The following REEP3 variants were observed in gnomAD, a reference collection of about 807,000 sequenced individuals.
REEP3 encodes the protein receptor expression-enhancing protein 3.
In REEP3, 20 loss-of-function variants were observed where a neutral mutation model predicts 41.3. That is an observed-to-expected ratio of 0.48 (90% confidence interval 0.34 to 0.70). The LOEUF is 0.70. REEP3 is among the 30% of genes least tolerant of loss of function. REEP3 has a pLI of 0.01. For missense variants in REEP3, 271 were observed against 308.8 expected, an observed-to-expected ratio of 0.88 and a Z score of 0.92; for synonymous variants, 104 against 101.8, an observed-to-expected ratio of 1.02 and a Z score of -0.13.
chr10:63,584,894 T>C (rs1955990654), intron 2 of REEP3, among the ~76,000 whole-genome samples: 1 of 152,202 alleles, frequency 6.6e-6, no homozygotes, highest in South Asian at 2.1e-4. Flanking sequence ...AGAGATTTTT[T>C]TTTTCCAGTG....
At chr10:63,571,114 C>T (rs566295354) in intron 2 of REEP3, among the ~76,000 whole-genome samples, 8 of 152,184 alleles carry the variant, frequency 5.3e-5, no homozygotes, top group South Asian at 4.1e-4. Flanking sequence ...GTGAGACCAT[C>T]GGGTGGGGTA....
intron 1 of REEP3, among the ~76,000 whole-genome samples, chr10:63,560,195 C>A (rs1955727467): frequency 6.6e-6 from 1 of 151,996 alleles, no homozygotes; most frequent in African/African-American, 2.4e-5. Context: ...TCTATTTCTA[C>A]ATATTTTTGT....
At chr10:63,553,834 C>T (rs775958750) in intron 1 of REEP3, among the ~76,000 whole-genome samples, 1 of 152,106 alleles carries the variant, frequency 6.6e-6, no homozygotes, top group Non-Finnish European at 1.5e-5. Context: ...GGCGGTGGCT[C>T]ACGCCTATTT....
Position 63,549,516 on chromosome 10 carries a change from G to A in REEP3, c.33-16822G>A, listed in dbSNP as rs554980576. On this transcript the variant is annotated intron_variant, in intron 1 of 7. Coordinates refer to ENST00000373758, the MANE Select transcript of REEP3 (RefSeq NM_001001330.3). Reference sequence around the variant, plus strand: ...CCAGATTTTGAGGCTGCAATAAGCTGTGATGACACCACTGTACTCCAGTTT... The same window carrying A: ...CCAGATTTTGAGGCTGCAATAAGCTATGATGACACCACTGTACTCCAGTTT... 6.6e-5 allele frequency among the ~76,000 whole-genome samples: 10 copies of A among 152,340 alleles called. No homozygotes were observed. In the East Asian group the frequency reaches 9.7e-4, roughly 15 times the overall value.
chr10:63,575,791 TG>T (rs1444829301), intron 2 of REEP3, among the ~76,000 whole-genome samples: 1 of 152,210 alleles, frequency 6.6e-6, no homozygotes, highest in African/African-American at 2.4e-5. Context: ...TGGAGTGCAG[TG>T]GTGCAATCTC....
intron 1 of REEP3, among the ~76,000 whole-genome samples, chr10:63,557,899 A>G (rs960389657): frequency 6.6e-6 from 1 of 152,196 alleles, no homozygotes; most frequent in African/African-American, 2.4e-5. Context: ...CAACCCATGG[A>G]GGGAAGCAAG....
chr10:63,591,627 C>G (rs1956065022), intron 2 of REEP3, among the ~76,000 whole-genome samples: 1 of 152,092 alleles, frequency 6.6e-6, no homozygotes. Context: ...ATTCTCACAA[C>G]CTAAACAGAT....
Position 63,621,154 on chromosome 10 carries a change from T to C in REEP3, c.*285T>C, listed in dbSNP as rs1430200327. 1 of 247,782 alleles carries C rather than the reference T, an allele frequency of 4.0e-6. No individual in the cohort carries two copies. The highest frequency in any genetic ancestry group is 7.4e-5 in the South Asian group (1 of 13,546). The allele number at this position is 247,782 out of a possible 1,614,324, so 15.3% of individuals were successfully genotyped here. A position where few individuals can be genotyped will look rare whatever the true frequency, so the allele number is the denominator to read the frequency against. Reference sequence around the variant, plus strand: ...TCAACAGCCTAGAGTGCCTGAGATATAAGATGAAACACAAATCCACAGTAT... The same window carrying C: ...TCAACAGCCTAGAGTGCCTGAGATACAAGATGAAACACAAATCCACAGTAT... On this transcript the variant is annotated 3_prime_UTR_variant, in exon 8 of 8. Coordinates refer to ENST00000373758, the MANE Select transcript of REEP3 (RefSeq NM_001001330.3).
chr10:63,594,753 T>C (rs1384749560), intron 2 of REEP3, 25 bp from the exon 3 acceptor site: 18 of 1,446,012 alleles, frequency 1.2e-5, no homozygotes, highest in Non-Finnish European at 1.7e-5. Context: ...ATCTGTTGTT[T>C]CATGAGTATT....
Position 63,554,067 on chromosome 10 carries a change from C to T in REEP3, c.33-12271C>T, listed in dbSNP as rs529965934. Among the ~76,000 whole-genome samples, 149 of 151,536 alleles carry T rather than the reference C, an allele frequency of 9.8e-4. 1 individual carries two copies. The highest frequency in any genetic ancestry group is 3.5e-3 in the African/African-American group (144 of 41,286). The stretch of plus-strand genomic sequence containing the variant: ...CAGTGAGTGGAGATCGCACCACTGC[C>T]CTCCAGCCTGGGTGACAGAGCAAGA... On this transcript the variant is annotated intron_variant, in intron 1 of 7. Coordinates refer to ENST00000373758, the MANE Select transcript of REEP3 (RefSeq NM_001001330.3).
chr10:63,567,486 C>T (rs1032697005), intron 2 of REEP3, among the ~76,000 whole-genome samples: 8 of 152,060 alleles, frequency 5.3e-5, no homozygotes, highest in Admixed American at 6.5e-5. Flanking sequence ...AAGGTTCATA[C>T]GTATCTTAGT....
chr10:63,570,727 G>A (rs544852903), intron 2 of REEP3, among the ~76,000 whole-genome samples: 1 of 152,100 alleles, frequency 6.6e-6, no homozygotes, highest in African/African-American at 2.4e-5. Context: ...AAAATAAATG[G>A]CCAGGCACTG....
chr10:63,577,538 C>T (rs1955908701), intron 2 of REEP3, among the ~76,000 whole-genome samples: 1 of 152,150 alleles, frequency 6.6e-6, no homozygotes, highest in African/African-American at 2.4e-5. Flanking sequence ...ATCCTCCCTC[C>T]TTGGCCTCCC....
In REEP3 at chr10:63,621,739, G is replaced by C. The variant is rs1259218602; in HGVS notation, c.*870G>C. 6.6e-6 allele frequency: 1 copy of C among 152,200 alleles called. No homozygotes were observed. Among genetic ancestry groups the C allele is most frequent in the Admixed American group, 6.5e-5 (1 of 15,268 alleles). The allele number at this position is 152,200 out of a possible 1,614,324, so 9.4% of individuals were successfully genotyped here. ...GAGTAATTGAACTTAACATGTTTTT[G>C]TCAACACCAATTACATTTTCAGCTT... On this transcript the variant is annotated 3_prime_UTR_variant, in exon 8 of 8. Coordinates refer to ENST00000373758, the MANE Select transcript of REEP3 (RefSeq NM_001001330.3).
intron 1 of REEP3, among the ~76,000 whole-genome samples, chr10:63,529,816 T>C (rs1253129988): frequency 6.7e-6 from 1 of 149,942 alleles, no homozygotes; most frequent in Non-Finnish European, 1.5e-5. Context: ...TTTGCTCTTG[T>C]TGCCCAGGCT....
intron 2 of REEP3, among the ~76,000 whole-genome samples, chr10:63,567,939 G>T (rs1955815499): frequency 6.6e-6 from 1 of 152,020 alleles, no homozygotes; most frequent in African/African-American, 2.4e-5. Flanking sequence ...CAAAATGGTG[G>T]AATACATCTG....
intron 2 of REEP3, among the ~76,000 whole-genome samples, chr10:63,586,316 C>G (rs1208281469): frequency 6.6e-6 from 1 of 152,094 alleles, no homozygotes; most frequent in African/African-American, 2.4e-5. Context: ...CTAATCTGAT[C>G]CATGCACTAT....
intron 1 of REEP3, among the ~76,000 whole-genome samples, chr10:63,557,351 T>C (rs776087726): frequency 1.9e-4 from 29 of 152,186 alleles, no homozygotes; most frequent in Non-Finnish European, 3.5e-4. Context: ...TAAATATAAT[T>C]AGAAAATAAT....
At chr10:63,562,701 G>A (rs1955752663) in intron 1 of REEP3, 1 of 388,812 alleles carries the variant, frequency 2.6e-6, no homozygotes, top group East Asian at 7.3e-5. Flanking sequence ...GCCCTCTGCA[G>A]CAATCAATCA....
Sources: allele counts gnomAD v4.1 joint callset (sites outside exome capture counted in the v4.1 genomes callset), GRCh38; gene constraint gnomAD v4.1.1; transcripts MANE v1.5; gene names NCBI Gene and HGNC (gene_info 2026-07-23, HGNC 2026-07-21).